HKDC1: variants seen among roughly 807,000 people sequenced by gnomAD.
HKDC1 encodes the protein hexokinase HKDC1.
A neutral mutation model predicts 96.6 loss-of-function variants in HKDC1; 66 were observed. The ratio of observed to expected loss-of-function variants is 0.68; its 90% confidence interval spans 0.56 to 0.84. The LOEUF is 0.84. HKDC1 is among the 40% of genes least tolerant of loss of function. The pLI, the probability that HKDC1 is intolerant of heterozygous loss-of-function variation, is 0.00. For synonymous variants in HKDC1, 466 were observed against 473.1 expected (o/e 0.98, Z 0.20); for missense variants, 1,211 against 1,208.1 (o/e 1.00, Z -0.04).
intron 1 of HKDC1, among the ~76,000 whole-genome samples, chr10:69,220,768 T>G (rs1843047516): frequency 6.6e-6 from 1 of 152,124 alleles, no homozygotes; most frequent in Non-Finnish European, 1.5e-5. Flanking sequence ...TTGGAAAGCT[T>G]GAAGAGGATT....
intron 4 of HKDC1, among the ~76,000 whole-genome samples, chr10:69,234,915 G>A (rs1193804461): frequency 6.6e-6 from 1 of 152,252 alleles, no homozygotes; most frequent in African/African-American, 2.4e-5. Flanking sequence ...GGGACAGGCT[G>A]AGTTTTACTT....
Position 69,220,422 on chromosome 10 carries a change from C to A in HKDC1, c.-14C>A. The A allele has an allele frequency of 6.3e-7, 1 of 1,594,076 alleles. No individual in the cohort carries two copies. On this transcript the variant is annotated 5_prime_UTR_variant, in exon 1 of 18. Coordinates refer to ENST00000354624, the MANE Select transcript of HKDC1 (RefSeq NM_025130.4). ...AATCTCTGCCCATCTCAGGAGAAAC[C>A]AAACTTGGGGAAAATGTTTGCGGTC... is the stretch of plus-strand genomic sequence containing the variant.
chr10:69,267,053 C>T lies in HKDC1; in HGVS notation c.*296C>T, dbSNP rs1843913819. 7.4e-6 allele frequency: 2 copies of T among 270,040 alleles called. No individual in the cohort carries two copies. Among genetic ancestry groups the T allele is most frequent in the African/African-American group, 4.4e-5 (2 of 44,944 alleles). The allele number at this position is 270,040 out of a possible 1,614,324, so 16.7% of individuals were successfully genotyped here. A position where few individuals can be genotyped will look rare whatever the true frequency, so the allele number is the denominator to read the frequency against. ...TCAGGTGAGGCTTGAGCTGTCAATT[C>T]TCTATGGCTTTCAGTCTTGTGGCTG... is the stretch of plus-strand genomic sequence containing the variant. On this transcript the variant is annotated 3_prime_UTR_variant, in exon 18 of 18. Transcript: ENST00000354624.
At chr10:69,255,029 T>C (rs1488929781) in intron 12 of HKDC1, among the ~76,000 whole-genome samples, 17 of 152,224 alleles carry the variant, frequency 1.1e-4, no homozygotes. Flanking sequence ...CATTAAAAAT[T>C]AATACACCAT....
At chr10:69,248,344 G>C in intron 9 of HKDC1, 80 bp from the exon 10 acceptor site, 1 of 1,430,424 alleles carries the variant, frequency 7.0e-7, no homozygotes, top group South Asian at 1.4e-5. Flanking sequence ...CTCCGGGACT[G>C]GGTTTACTGC....
At chr10:69,230,525 G>T (rs918369195) in intron 2 of HKDC1, among the ~76,000 whole-genome samples, 3 of 152,198 alleles carry the variant, frequency 2.0e-5, no homozygotes, top group African/African-American at 7.2e-5. Context: ...TTACGAGAAG[G>T]GAACCATTGG....
chr10:69,235,846 C>T lies in HKDC1; in HGVS notation c.495+2713C>T, dbSNP rs117975347. 2.3e-3 allele frequency among the ~76,000 whole-genome samples: 353 copies of T among 152,312 alleles called. 2 individuals are homozygous for T. Among genetic ancestry groups the T allele is most frequent in the East Asian group, 0.016 (81 of 5,188 alleles). ...CAATAATAATGATAAAAGCACGTGC[C>T]TCCGGTTTTGACACTGTACCTCGCG... On this transcript the variant is annotated intron_variant, in intron 4 of 17. Coordinates refer to ENST00000354624, the MANE Select transcript of HKDC1 (RefSeq NM_025130.4).
rs1314031138 is a variant in HKDC1 at position 69,232,953 on chromosome 10, G to A, written c.375+41G>A. Reference sequence around the variant, plus strand: ...CTCCTGTGACCGCAGGGAAGGCGGTGGCATCCGTGTGTGGGGAAACCACAC... The same window carrying A: ...CTCCTGTGACCGCAGGGAAGGCGGTAGCATCCGTGTGTGGGGAAACCACAC... On this transcript the variant is annotated intron_variant, in intron 3 of 17. Coordinates refer to ENST00000354624, the MANE Select transcript of HKDC1 (RefSeq NM_025130.4). 11 of 1,612,090 alleles carry A rather than the reference G, an allele frequency of 6.8e-6. No individual in the cohort carries two copies. In the East Asian group the frequency reaches 1.3e-4, roughly 20 times the overall value.
intron 12 of HKDC1, among the ~76,000 whole-genome samples, chr10:69,253,392 GA>G (rs999983709): frequency 2.0e-5 from 3 of 152,216 alleles, no homozygotes; most frequent in African/African-American, 7.2e-5. Context: ...AGGGGCTTGG[GA>G]GCAGGCCCAG....
chr10:69,227,030 C>T (rs1212613185), intron 1 of HKDC1, among the ~76,000 whole-genome samples, 177 bp from the exon 2 acceptor site: 1 of 152,166 alleles, frequency 6.6e-6, no homozygotes, highest in Non-Finnish European at 1.5e-5. Flanking sequence ...GCTTTCCTAA[C>T]TCGCTTCCCT....
chr10:69,257,672 G>A (rs529824597), intron 14 of HKDC1, among the ~76,000 whole-genome samples: 4 of 148,448 alleles, frequency 2.7e-5, no homozygotes, highest in Non-Finnish European at 5.9e-5. Flanking sequence ...AAGGACCTTG[G>A]GGCCAATTGT....
At chr10:69,256,726 G>T (rs1843721373) in intron 12 of HKDC1, among the ~76,000 whole-genome samples, 1 of 151,750 alleles carries the variant, frequency 6.6e-6, no homozygotes, top group Non-Finnish European at 1.5e-5. Context: ...AAGAAAGAAA[G>T]AAAAAAGAAG....
intron 1 of HKDC1, among the ~76,000 whole-genome samples, chr10:69,223,572 A>G (rs907531471): frequency 3.4e-5 from 5 of 147,252 alleles, no homozygotes; most frequent in Admixed American, 2.1e-4. Context: ...CCATTACCAC[A>G]ATCTAATTTT....
chr10:69,233,725 C>T lies in HKDC1; in HGVS notation c.495+592C>T, dbSNP rs182282884. ...CATCCTGGCTAACATGGTGAAACCC[C>T]GTCTCTACTAAAAATGCAAAAAATT... On this transcript the variant is annotated intron_variant, in intron 4 of 17. Coordinates refer to ENST00000354624, the MANE Select transcript of HKDC1 (RefSeq NM_025130.4). Among the ~76,000 whole-genome samples the T allele has an allele frequency of 1.1e-3, 170 of 151,750 alleles. 1 individual carries two copies. Among genetic ancestry groups the T allele is most frequent in the African/African-American group, 3.7e-3 (153 of 41,368 alleles).
rs1332080954 is a variant in HKDC1 at position 69,239,154 on chromosome 10, G to T, written c.591+17G>T. On this transcript the variant is annotated intron_variant, in intron 5 of 17. Transcript: ENST00000354624. ...AGACACAAGGTGAGGAATTCACCTCGGTGTGGGAGGCTCTCCCAGCCCTAG... is the reference window on the plus strand; with the variant it reads ...AGACACAAGGTGAGGAATTCACCTCTGTGTGGGAGGCTCTCCCAGCCCTAG... 1.3e-6 allele frequency: 2 copies of T among 1,596,214 alleles called. No individual in the cohort carries two copies. Among genetic ancestry groups the T allele is most frequent in the African/African-American group, 1.3e-5 (1 of 74,558 alleles).
intron 12 of HKDC1, among the ~76,000 whole-genome samples, chr10:69,253,176 G>A (rs1451596529): frequency 1.3e-5 from 2 of 152,144 alleles, no homozygotes; most frequent in African/African-American, 4.8e-5. Flanking sequence ...TTAGAAGTGG[G>A]GACTAGACAC....
At chr10:69,248,927 T>C in intron 10 of HKDC1, 199 bp downstream of exon 10, 1 of 576,590 alleles carries the variant, frequency 1.7e-6, no homozygotes, top group Non-Finnish European at 3.0e-6. Flanking sequence ...ACAAAACAAA[T>C]AAACAAACAA....
At position 69,220,350 on chromosome 10, in the gene HKDC1, T is replaced by C; in HGVS notation, c.-86T>C. The C allele has an allele frequency of 9.8e-7, 1 of 1,020,632 alleles. No homozygotes were observed. Among genetic ancestry groups the C allele is most frequent in the Non-Finnish European group, 1.4e-6 (1 of 713,138 alleles). The allele number at this position is 1,020,632 out of a possible 1,614,324, so 63.2% of individuals were successfully genotyped here. On this transcript the variant is annotated 5_prime_UTR_variant, in exon 1 of 18. Coordinates refer to ENST00000354624, the MANE Select transcript of HKDC1 (RefSeq NM_025130.4). The stretch of plus-strand genomic sequence containing the variant: ...CCCCAGGAGGTCTGCCAGCCTGGAC[T>C]GGAAGCGTGCAACACTCCAGAGTCG...
intron 5 of HKDC1, 64 bp from the exon 6 acceptor site, chr10:69,240,588 G>A: frequency 7.4e-7 from 1 of 1,353,322 alleles, no homozygotes; most frequent in Non-Finnish European, 1.1e-6. Context: ...TGCCTCTGTG[G>A]GGAAGGAGGG....
Sources: allele counts gnomAD v4.1 joint callset (sites outside exome capture counted in the v4.1 genomes callset), GRCh38; gene constraint gnomAD v4.1.1; transcripts MANE v1.5; gene names NCBI Gene and HGNC (gene_info 2026-07-23, HGNC 2026-07-21).